The following DLG2 variants were observed in gnomAD, a reference collection of about 807,000 sequenced individuals.
The protein encoded by DLG2 is discs large MAGUK scaffold protein 2.
DLG2 carries 45 observed loss-of-function variants against 132.5 expected under a neutral mutation model. The observed-to-expected ratio is 0.34, with a 90% CI of 0.27 to 0.44. DLG2 has a LOEUF of 0.44. Among genes scored for constraint, DLG2 ranks in the 20% least tolerant of loss-of-function variants. The pLI, the probability that DLG2 is intolerant of heterozygous loss-of-function variation, is 1.00. For synonymous variants in DLG2, 424 were observed against 419.6 expected (o/e 1.01, Z -0.13); for missense variants, 1,045 against 1,196.9 (o/e 0.87, Z 1.87).
At chr11:85,172,757 C>G (rs543878125) in intron 4 of DLG2, among the ~76,000 whole-genome samples, 138 of 152,198 alleles carry the variant, frequency 9.1e-4, no homozygotes, top group African/African-American at 3.1e-3. Context: ...ATAACCAGAA[C>G]AGCTAGTTTA....
Position 83,570,898 on chromosome 11 carries a change from T to C in DLG2, c.1941-29040A>G, listed in dbSNP as rs150108135. Among the ~76,000 whole-genome samples the C allele has an allele frequency of 1.4e-4, 21 of 152,302 alleles. No individual in the cohort carries two copies. The East Asian group carries it at 4.1e-3, about 29-fold the overall frequency. ...GTTACTATAGTTATTTATTTATTTA[T>C]TGAAATGGAGTTTTGCTCTTGTTGC... On this transcript the variant is annotated intron_variant, in intron 19 of 27. Transcript: ENST00000376104.
At chr11:83,883,008 A>G (rs2066727563) in intron 15 of DLG2, among the ~76,000 whole-genome samples, 1 of 152,176 alleles carries the variant, frequency 6.6e-6, no homozygotes, top group Admixed American at 6.5e-5. Flanking sequence ...GACAACAGTT[A>G]AATGACGAAC....
At chr11:84,620,234 G>T (rs1302426409) in intron 6 of DLG2, among the ~76,000 whole-genome samples, 2 of 151,690 alleles carry the variant, frequency 1.3e-5, no homozygotes, top group Non-Finnish European at 3.0e-5. Context: ...GGAGAAGAAA[G>T]AAGTGTTATT....
chr11:84,562,640 G>A (rs2099430826), intron 6 of DLG2, among the ~76,000 whole-genome samples: 1 of 151,970 alleles, frequency 6.6e-6, no homozygotes, highest in Non-Finnish European at 1.5e-5. Context: ...CCAAGCAACT[G>A]CTATAGTAGA....
intron 3 of DLG2, among the ~76,000 whole-genome samples, chr11:85,352,303 CTTCT>C (rs544352248): frequency 1.4e-4 from 22 of 152,088 alleles, no homozygotes; most frequent in African/African-American, 4.6e-4. Context: ...TCTCTCTTTT[CTTCT>C]TTATTAGTCT....
intron 4 of DLG2, among the ~76,000 whole-genome samples, chr11:85,244,710 C>G: frequency 6.6e-6 from 1 of 151,876 alleles, no homozygotes. Context: ...TTATATATGT[C>G]AATGATCAGA....
chr11:84,320,564 T>G (rs1201918640), intron 7 of DLG2, among the ~76,000 whole-genome samples: 1 of 152,212 alleles, frequency 6.6e-6, no homozygotes, highest in East Asian at 1.9e-4. Flanking sequence ...TTACATCTAA[T>G]AACCTTTGGC....
chr11:83,886,987 G>C (rs1595946343), intron 15 of DLG2, among the ~76,000 whole-genome samples: 2 of 152,074 alleles, frequency 1.3e-5, no homozygotes, highest in South Asian at 2.1e-4. Context: ...ATGCCCACAA[G>C]AGAAAGCAGG....
intron 17 of DLG2, among the ~76,000 whole-genome samples, chr11:83,830,844 A>G (rs77501568): frequency 0.013 from 1,969 of 152,292 alleles, 53 homozygotes; most frequent in African/African-American, 0.045. Context: ...TGCCTTAGAG[A>G]ATCTCTAGAA....
chr11:83,800,064 C>A (rs1229238131), intron 17 of DLG2, among the ~76,000 whole-genome samples: 1 of 152,106 alleles, frequency 6.6e-6, no homozygotes, highest in African/African-American at 2.4e-5. Context: ...TGAACCCTCT[C>A]CTGACGTACA....
intron 3 of DLG2, among the ~76,000 whole-genome samples, chr11:85,586,886 C>T (rs970536256): frequency 6.6e-6 from 1 of 152,088 alleles, no homozygotes; most frequent in African/African-American, 2.4e-5. Flanking sequence ...GAGGTTTTGA[C>T]AAGCTGTGTC....
chr11:83,507,843 T>C (rs568415415), intron 21 of DLG2, among the ~76,000 whole-genome samples: 2 of 142,376 alleles, frequency 1.4e-5, no homozygotes, highest in African/African-American at 5.2e-5. Context: ...GATCACAAGG[T>C]CCCACAAAAG....
At chr11:84,857,616 A>G (rs1294684541) in intron 6 of DLG2, among the ~76,000 whole-genome samples, 2 of 152,106 alleles carry the variant, frequency 1.3e-5, no homozygotes, top group Non-Finnish European at 2.9e-5. Context: ...CTAAATTGGT[A>G]TGCATTTAAC....
intron 17 of DLG2, chr11:83,790,203 C>A: frequency 1.1e-6 from 1 of 874,612 alleles, no homozygotes; most frequent in South Asian, 1.6e-5. Flanking sequence ...ACTGAATGCT[C>A]AATTAGATCA....
At chr11:84,873,712 T>G (rs914254234) in intron 6 of DLG2, among the ~76,000 whole-genome samples, 1 of 152,226 alleles carries the variant, frequency 6.6e-6, no homozygotes, top group Non-Finnish European at 1.5e-5. Context: ...CTCTTTTCCT[T>G]AAAATTTTCA....
chr11:85,068,054 A>G (rs2065201388), intron 6 of DLG2, among the ~76,000 whole-genome samples: 1 of 152,128 alleles, frequency 6.6e-6, no homozygotes. Context: ...CAAAAACCTC[A>G]TGATTATCTC....
chr11:84,269,301 T>C (rs1431894055), intron 7 of DLG2, among the ~76,000 whole-genome samples: 1 of 152,230 alleles, frequency 6.6e-6, no homozygotes, highest in Non-Finnish European at 1.5e-5. Context: ...TAAAAGGTAT[T>C]TAATAAGCAT....
At chr11:85,604,026 ATAAG>A in intron 2 of DLG2, among the ~76,000 whole-genome samples, 1 of 152,320 alleles carries the variant, frequency 6.6e-6, no homozygotes, top group African/African-American at 2.4e-5. Context: ...ATATAATTAG[ATAAG>A]TAAGGGGAAT....
chr11:84,959,404 C>G (rs2052190969), intron 6 of DLG2, among the ~76,000 whole-genome samples: 1 of 152,148 alleles, frequency 6.6e-6, no homozygotes, highest in South Asian at 2.1e-4. Context: ...AACAGAGCCC[C>G]TTCCTTGTTT....
Sources: allele counts gnomAD v4.1 joint callset (sites outside exome capture counted in the v4.1 genomes callset), GRCh38; gene constraint gnomAD v4.1.1; transcripts MANE v1.5; gene names NCBI Gene and HGNC (gene_info 2026-07-23, HGNC 2026-07-21).